The following BEND4 variants were observed in gnomAD, a reference collection of about 807,000 sequenced individuals.
BEND4 encodes BEN domain-containing protein 4.
In BEND4, 27 loss-of-function variants were observed where a neutral mutation model predicts 54.7. The observed-to-expected ratio is 0.49, with a 90% confidence interval of 0.36 to 0.68. The LOEUF (loss-of-function observed/expected upper bound fraction) is 0.68, where lower values mean the gene tolerates loss of function less well. BEND4 is among the 30% of genes least tolerant of loss of function. The pLI is 0.00. For synonymous variants in BEND4, 327 were observed against 299.5 expected, an observed-to-expected ratio of 1.09 and a Z score of -0.95; for missense variants, 702 against 697.2, an observed-to-expected ratio of 1.01 and a Z score of -0.08.
At chr4:42,134,935 A>C (rs1720644556) in intron 3 of BEND4, among the ~76,000 whole-genome samples, 1 of 152,224 alleles carries the variant, frequency 6.6e-6, no homozygotes, top group African/African-American at 2.4e-5. Context: ...TCAGTCTCCA[A>C]AGACAGACAG....
chr4:42,128,887 G>T (rs1720401497), intron 3 of BEND4, among the ~76,000 whole-genome samples: 1 of 152,098 alleles, frequency 6.6e-6, no homozygotes, highest in Non-Finnish European at 1.5e-5. Flanking sequence ...AGTGAGCCGA[G>T]ACTGTGCCAC....
At chr4:42,140,815 C>G (rs562564229) in intron 3 of BEND4, among the ~76,000 whole-genome samples, 1 of 152,174 alleles carries the variant, frequency 6.6e-6, no homozygotes, top group African/African-American at 2.4e-5. Flanking sequence ...AAGATGAGAT[C>G]AAGGAGTGCC....
chr4:42,132,481 G>C (rs1315680004), intron 3 of BEND4, among the ~76,000 whole-genome samples: 1 of 151,940 alleles, frequency 6.6e-6, no homozygotes. Flanking sequence ...TTTCAGTGCT[G>C]TTGCCAAAGC....
rs572890187 is a variant in BEND4 at position 42,116,874 on chromosome 4, G to A, written c.*644C>T. 7.9e-5 allele frequency: 12 copies of A among 152,252 alleles called. No individual in the cohort carries two copies. The highest frequency in any genetic ancestry group is 2.6e-4 in the African/African-American group (11 of 41,550). The allele number at this position is 152,252 out of a possible 1,614,324, so 9.4% of individuals were successfully genotyped here. A position where few individuals can be genotyped will look rare whatever the true frequency, so the allele number is the denominator to read the frequency against. ...AAATGACTACTGTTTGTAAACTCCA[G>A]AGATCAAATAGTGCCTTCTTGATCA... On this transcript the variant is annotated 3_prime_UTR_variant, in exon 6 of 6. Coordinates refer to ENST00000502486, the MANE Select transcript of BEND4 (RefSeq NM_207406.4).
At chr4:42,133,511 C>G (rs1373297245) in intron 3 of BEND4, among the ~76,000 whole-genome samples, 1 of 152,186 alleles carries the variant, frequency 6.6e-6, no homozygotes, top group East Asian at 1.9e-4. Context: ...ACCATGTGAT[C>G]CTGGGCAGGT....
At chr4:42,127,532 G>A (rs1392534310) in intron 3 of BEND4, among the ~76,000 whole-genome samples, 1 of 152,108 alleles carries the variant, frequency 6.6e-6, no homozygotes, top group African/African-American at 2.4e-5. Context: ...ATTAATTGCT[G>A]GAAAAAACCC....
At chr4:42,126,767 A>G (rs2153145418) in intron 3 of BEND4, among the ~76,000 whole-genome samples, 1 of 152,280 alleles carries the variant, frequency 6.6e-6, no homozygotes, top group East Asian at 1.9e-4. Flanking sequence ...ATCCCAGCTC[A>G]GGGAGGCAAA....
intron 3 of BEND4, among the ~76,000 whole-genome samples, chr4:42,130,049 A>C (rs573214979): frequency 4.5e-4 from 69 of 152,256 alleles, no homozygotes; most frequent in Non-Finnish European, 9.3e-4. Context: ...AAACAAATTC[A>C]TAAGAGAAAA....
intron 4 of BEND4, among the ~76,000 whole-genome samples, chr4:42,123,694 G>GAAAAAAAAAAACAAA (rs1553921966): frequency 3.1e-4 from 16 of 50,806 alleles, no homozygotes; most frequent in Non-Finnish European, 6.2e-4. Flanking sequence ...CTGTAATTCA[G>GAAAAAAAAAAACAAA]AAAAAAAAAA....
At chr4:42,150,630 G>A (rs1366740819) in intron 2 of BEND4, among the ~76,000 whole-genome samples, 1 of 152,248 alleles carries the variant, frequency 6.6e-6, no homozygotes, top group African/African-American at 2.4e-5. Flanking sequence ...TCTAATGAGT[G>A]GATAAACGTG....
rs1490925954 is a variant in BEND4 at position 42,120,269 on chromosome 4, T to C, written c.1172A>G (p.Tyr391Cys). 3 of 1,602,738 alleles carry C rather than the reference T, an allele frequency of 1.9e-6. No individual in the cohort carries two copies. Among genetic ancestry groups the C allele is most frequent in the African/African-American group, 1.3e-5 (1 of 74,764 alleles). Residue 391 changes from tyrosine to cysteine, a missense_variant, in exon 5 of 6, where the codon TAT (tyrosine) becomes TGT (cysteine). Transcript: ENST00000502486. Reference protein sequence around the residue: ...TEGSKQLLNNYPVYITSKQWD... With the variant: ...TEGSKQLLNNCPVYITSKQWD... ...CTGTTTGCTCGTTATGTAGACAGGA[T>C]AGTTGTTCAACAGCTGCTTGCTTCC...
chr4:42,147,145 A>C (rs1721105699), intron 2 of BEND4, among the ~76,000 whole-genome samples: 1 of 152,216 alleles, frequency 6.6e-6, no homozygotes. Flanking sequence ...AATGATATGT[A>C]CAAAAATGGC....
At position 42,151,881 on chromosome 4, in the gene BEND4, G is replaced by A. The variant is rs1015497117; in HGVS notation, c.263C>T (p.Pro88Leu). The A allele has an allele frequency of 2.4e-5, 32 of 1,306,706 alleles. No individual in the cohort carries two copies. In the African/African-American group the frequency reaches 4.7e-4, roughly 19 times the overall value. 80.9% of individuals were successfully genotyped at this position (1,306,706 alleles called of 1,614,324 possible). A position where few individuals can be genotyped will look rare whatever the true frequency, so the allele number is the denominator to read the frequency against. ...GGCGGCGGCGGCCCGGCCGGGCCCG[G>A]GGGGGTAGGAGCTCTGCGCCTGGAA... The part of the protein sequence containing the change: ...QQFQAQSSYP[P>L]GPGRAAAAAS... Residue 88 changes from proline to leucine, a missense_variant, in exon 2 of 6, where the codon CCC becomes CTC. Physicochemically the swap from Pro to Leu is moderately conservative, Grantham distance 98. Coordinates refer to ENST00000502486, the MANE Select transcript of BEND4 (RefSeq NM_207406.4).
intron 3 of BEND4, among the ~76,000 whole-genome samples, chr4:42,140,465 C>T (rs1008192825): frequency 4.6e-5 from 7 of 152,184 alleles, no homozygotes; most frequent in Non-Finnish European, 1.0e-4. Context: ...ACGGGATTGT[C>T]AACAGGGTTG....
chr4:42,123,823 T>C (rs568407025), intron 4 of BEND4, among the ~76,000 whole-genome samples: 1 of 152,160 alleles, frequency 6.6e-6, no homozygotes, highest in South Asian at 2.1e-4. Context: ...GTAGAATTCT[T>C]AGACGTAGGA....
At chr4:42,118,325 T>A (rs2153144435) in intron 5 of BEND4, among the ~76,000 whole-genome samples, 1 of 152,332 alleles carries the variant, frequency 6.6e-6, no homozygotes, top group East Asian at 1.9e-4. Context: ...TTTTACGTGT[T>A]ATCTCCTCTA....
chr4:42,138,235 A>C (rs1403346237), intron 3 of BEND4, among the ~76,000 whole-genome samples: 2 of 152,228 alleles, frequency 1.3e-5, no homozygotes, highest in Non-Finnish European at 2.9e-5. Context: ...TATTGGATAG[A>C]GTATTATCCT....
intron 3 of BEND4, among the ~76,000 whole-genome samples, chr4:42,140,349 T>C (rs973328104): frequency 1.3e-5 from 2 of 152,236 alleles, no homozygotes; most frequent in African/African-American, 2.4e-5. Flanking sequence ...TATACTATTT[T>C]TACAATGCAT....
At chr4:42,118,076 T>A (rs1250801079) in intron 5 of BEND4, among the ~76,000 whole-genome samples, 1 of 152,284 alleles carries the variant, frequency 6.6e-6, no homozygotes, top group Admixed American at 6.5e-5. Flanking sequence ...AAACCCAAGT[T>A]GTTACCTGCT....
Sources: gnomAD v4.1 joint callset for allele counts (sites outside exome capture counted in the v4.1 genomes callset) on GRCh38, gnomAD v4.1.1 for gene constraint, MANE v1.5 for transcripts, NCBI Gene and HGNC (gene_info 2026-07-23, HGNC 2026-07-21) for gene names.